IQCK: variants seen among roughly 807,000 people sequenced by gnomAD.
The protein encoded by IQCK is IQ domain-containing protein K.
In IQCK, 29 loss-of-function variants were observed where a neutral mutation model predicts 28.1. That is an observed-to-expected ratio of 1.03 (90% CI 0.77 to 1.41). IQCK has a LOEUF of 1.41. Ranked by LOEUF, IQCK falls within the 40% of genes most tolerant of loss-of-function variation. The probability of loss-of-function intolerance (pLI) is 0.00; values close to 1 mark genes in which losing one functional copy is unlikely to be tolerated. For synonymous variants in IQCK, 113 were observed against 115.1 expected, an observed-to-expected ratio of 0.98 and a Z score of 0.12; for missense variants, 359 against 314.7, an observed-to-expected ratio of 1.14 and a Z score of -1.07.
chr16:19,827,710 C>T (rs943092364), downstream of IQCK, among the ~76,000 whole-genome samples: 5 of 152,124 alleles, frequency 3.3e-5, no homozygotes, highest in Non-Finnish European at 7.4e-5. Context: ...CTGAATAGAA[C>T]AAAATGGTGG....
At chr16:19,852,315 GAGCCTCCACA>G (rs2056492904) in intron 9 of IQCK, among the ~76,000 whole-genome samples, 1 of 152,090 alleles carries the variant, frequency 6.6e-6, no homozygotes, top group Non-Finnish European at 1.5e-5. Context: ...AGGATCGCTT[GAGCCTCCACA>G]AGCCTCCAGA....
chr16:19,748,013 T>TTAAA (rs2054935718), intron 4 of IQCK, among the ~76,000 whole-genome samples: 1 of 151,608 alleles, frequency 6.6e-6, no homozygotes, highest in Admixed American at 6.6e-5. Flanking sequence ...TCAGGAAAGA[T>TTAAA]TAAATGAGCT....
intron 9 of IQCK, among the ~76,000 whole-genome samples, chr16:19,853,892 T>C (rs886767278): frequency 6.6e-6 from 1 of 152,200 alleles, no homozygotes; most frequent in African/African-American, 2.4e-5. Flanking sequence ...CCTCCCAGAG[T>C]GCTGGGATTA....
chr16:19,857,668 C>T (rs1361794158), exon 10 of IQCK: 2 of 238,164 alleles, frequency 8.4e-6, no homozygotes, highest in South Asian at 4.9e-5. Context: ...TGGCCTGAGG[C>T]GTTCAACTCA....
intron 4 of IQCK, among the ~76,000 whole-genome samples, chr16:19,745,333 T>A (rs2151693849): frequency 6.6e-6 from 1 of 152,212 alleles, no homozygotes; most frequent in Non-Finnish European, 1.5e-5. Flanking sequence ...AACTCAAGTT[T>A]ACTAATGACC....
chr16:19,737,250 C>T (rs2054771398), intron 4 of IQCK, among the ~76,000 whole-genome samples: 2 of 152,136 alleles, frequency 1.3e-5, no homozygotes, highest in African/African-American at 4.8e-5. Context: ...ATAAAATTAT[C>T]CATAGTTAAT....
At chr16:19,852,656 C>G (rs1433481968) in intron 9 of IQCK, among the ~76,000 whole-genome samples, 1 of 147,730 alleles carries the variant, frequency 6.8e-6, no homozygotes, top group Non-Finnish European at 1.5e-5. Flanking sequence ...GGAGTCTCGC[C>G]CTGTCGCCCA....
intron 4 of IQCK, among the ~76,000 whole-genome samples, chr16:19,742,490 C>T (rs2054851959): frequency 6.6e-6 from 1 of 152,128 alleles, no homozygotes; most frequent in Non-Finnish European, 1.5e-5. Flanking sequence ...TTCACATTTT[C>T]TTGATTCAGC....
exon 1 of IQCK, chr16:19,718,416 G>A (rs1441320989): frequency 1.2e-5 from 19 of 1,605,828 alleles, no homozygotes; most frequent in Non-Finnish European, 1.6e-5. Context: ...CTCGCGTCCC[G>A]CGAGCTGCCT....
At chr16:19,854,655 C>T (rs1019090267) in intron 9 of IQCK, among the ~76,000 whole-genome samples, 2 of 152,212 alleles carry the variant, frequency 1.3e-5, no homozygotes, top group African/African-American at 2.4e-5. Flanking sequence ...AGGGCAGCCC[C>T]GCTCCATCTG....
At chr16:19,726,711 A>G (rs1000699839) in intron 1 of IQCK, among the ~76,000 whole-genome samples, 22 of 152,208 alleles carry the variant, frequency 1.4e-4, no homozygotes, top group Non-Finnish European at 2.4e-4. Flanking sequence ...AGCCGTTAAA[A>G]GTAACTTACG....
At chr16:19,730,518 C>G in intron 2 of IQCK, 24 bp downstream of exon 2, 1 of 1,545,236 alleles carries the variant, frequency 6.5e-7, no homozygotes, top group Non-Finnish European at 8.8e-7. Context: ...AGGCCTCAAC[C>G]GAAGCAAGAA....
intron 1 of IQCK, among the ~76,000 whole-genome samples, chr16:19,724,937 C>A (rs929353212): frequency 7.2e-5 from 11 of 152,244 alleles, no homozygotes; most frequent in Non-Finnish European, 1.6e-4. Flanking sequence ...TAATTATTCT[C>A]ACATCCCAGA....
intron 4 of IQCK, among the ~76,000 whole-genome samples, chr16:19,762,858 A>C (rs1400457075): frequency 2.0e-5 from 3 of 152,106 alleles, no homozygotes; most frequent in African/African-American, 7.2e-5. Flanking sequence ...TCTACAAAAA[A>C]TACAAAAATT....
At chr16:19,823,935 A>AAAATAAAT (rs71375664) in intron 7 of IQCK, among the ~76,000 whole-genome samples, 17 of 146,552 alleles carry the variant, frequency 1.2e-4, no homozygotes, top group South Asian at 2.2e-4. Flanking sequence ...TCCCTCTTAA[A>AAAATAAAT]AAATAAATAA....
At chr16:19,720,464 G>A (rs1977458155) in intron 1 of IQCK, among the ~76,000 whole-genome samples, 1 of 152,246 alleles carries the variant, frequency 6.6e-6, no homozygotes, top group African/African-American at 2.4e-5. Context: ...GTAAGAGACA[G>A]ATAATTGTTG....
intron 6 of IQCK, 99 bp downstream of exon 6, chr16:19,764,211 C>A: frequency 1.0e-6 from 1 of 982,442 alleles, no homozygotes; most frequent in Non-Finnish European, 1.5e-6. Flanking sequence ...TGTGATCCAT[C>A]CAGGACTCTG....
chr16:19,762,885 G>A (rs1398581526), intron 4 of IQCK, among the ~76,000 whole-genome samples: 1 of 152,116 alleles, frequency 6.6e-6, no homozygotes, highest in Non-Finnish European at 1.5e-5. Context: ...GCGTGGTGGT[G>A]TGTGCCTGTA....
In IQCK at chr16:19,769,384, T is replaced by G. The variant is rs2055287160; in HGVS notation, c.605+5272T>G. Among the ~76,000 whole-genome samples the G allele has an allele frequency of 2.0e-5, 3 of 152,212 alleles. 1 individual carries two copies. The highest frequency in any genetic ancestry group is 4.4e-5 in the Non-Finnish European group (3 of 68,038). On this transcript the variant is annotated intron_variant, in intron 6 of 7. Transcript: ENST00000564186. ...AGTTCCTTATTGGTAAATGTGGTTGTGAAGATACAGTGATACAGCTACAAA... is the reference window on the plus strand; with the variant it reads ...AGTTCCTTATTGGTAAATGTGGTTGGGAAGATACAGTGATACAGCTACAAA...
Sources: gnomAD v4.1 joint callset for allele counts (sites outside exome capture counted in the v4.1 genomes callset) on GRCh38, gnomAD v4.1.1 for gene constraint, MANE v1.5 for transcripts, NCBI Gene and HGNC (gene_info 2026-07-23, HGNC 2026-07-21) for gene names.